Variants in TMEM163 observed in about 807,000 individuals in gnomAD.
TMEM163 encodes transmembrane protein 163.
A neutral mutation model predicts 29.3 loss-of-function variants in TMEM163; 17 were observed. The ratio of observed to expected loss-of-function variants is 0.58; its 90% confidence interval spans 0.40 to 0.87. TMEM163 has a LOEUF of 0.87. TMEM163 is among the 40% of genes least tolerant of loss of function. The pLI is 0.00. For missense variants in TMEM163, 303 were observed against 381.5 expected, an observed-to-expected ratio of 0.79 and a Z score of 1.71; for synonymous variants, 157 against 160.6, an observed-to-expected ratio of 0.98 and a Z score of 0.17.
intron 2 of TMEM163, among the ~76,000 whole-genome samples, chr2:134,622,364 T>A (rs1209649918): frequency 6.6e-6 from 1 of 152,086 alleles, no homozygotes; most frequent in East Asian, 1.9e-4. Flanking sequence ...CGGCAGGGGG[T>A]CAGTGGCTTC....
chr2:134,530,508 C>T (rs1309237388), intron 4 of TMEM163, among the ~76,000 whole-genome samples: 1 of 152,148 alleles, frequency 6.6e-6, no homozygotes, highest in Non-Finnish European at 1.5e-5. Context: ...AACTCCTAGG[C>T]TCAAGTGATA....
intron 2 of TMEM163, among the ~76,000 whole-genome samples, chr2:134,672,707 C>T (rs1684019875): frequency 6.6e-6 from 1 of 152,130 alleles, no homozygotes; most frequent in Non-Finnish European, 1.5e-5. Context: ...TCCCTCCCAA[C>T]CCACAATAAC....
chr2:134,643,454 T>G (rs1342284246), intron 2 of TMEM163, among the ~76,000 whole-genome samples: 2 of 152,038 alleles, frequency 1.3e-5, no homozygotes, highest in African/African-American at 4.8e-5. Flanking sequence ...CTGGAAAATA[T>G]AAGAAGAGGT....
intron 5 of TMEM163, among the ~76,000 whole-genome samples, chr2:134,487,557 A>G (rs1679341336): frequency 6.6e-6 from 1 of 152,248 alleles, no homozygotes; most frequent in South Asian, 2.1e-4. Context: ...CAGTTTTGAA[A>G]TTCGTATGGA....
intron 5 of TMEM163, among the ~76,000 whole-genome samples, chr2:134,481,952 A>AC (rs1451888013): frequency 2.0e-5 from 3 of 152,080 alleles, no homozygotes; most frequent in African/African-American, 7.2e-5. Flanking sequence ...GCAGGAATGA[A>AC]CCCCACCATC....
chr2:134,494,859 A>G (rs1274254575), intron 5 of TMEM163, among the ~76,000 whole-genome samples: 1 of 152,186 alleles, frequency 6.6e-6, no homozygotes, highest in Non-Finnish European at 1.5e-5. Context: ...ACTGGTGCCA[A>G]GAGAACCCTC....
At chr2:134,471,190 A>G (rs554641725) in intron 5 of TMEM163, among the ~76,000 whole-genome samples, 14 of 152,230 alleles carry the variant, frequency 9.2e-5, no homozygotes, top group Non-Finnish European at 1.9e-4. Flanking sequence ...ATGTTTAAAA[A>G]GACATCAGTC....
At chr2:134,538,546 G>A (rs982812347) in intron 4 of TMEM163, among the ~76,000 whole-genome samples, 5 of 152,136 alleles carry the variant, frequency 3.3e-5, no homozygotes, top group Non-Finnish European at 5.9e-5. Flanking sequence ...GCCTCAAGGC[G>A]GAAACAACAC....
rs138077955 is a variant in TMEM163 at position 134,610,635 on chromosome 2, G to A, written c.323-58544C>T. On this transcript the variant is annotated intron_variant, in intron 2 of 7. Transcript: ENST00000281924. ...AGAACCGACCTCCAGGAATGCACAC[G>A]GGATTCGAGTCTCAGCCTGGTAGCA... Among the ~76,000 whole-genome samples, 587 of 152,292 alleles carry A rather than the reference G, an allele frequency of 3.9e-3. 7 individuals are homozygous for A. Among genetic ancestry groups the A allele is most frequent in the African/African-American group, 0.013 (551 of 41,560 alleles).
At chr2:134,541,772 GCACACACACACA>G (rs57326163) in intron 4 of TMEM163, among the ~76,000 whole-genome samples, 32 of 150,096 alleles carry the variant, frequency 2.1e-4, no homozygotes, top group African/African-American at 5.4e-4. Context: ...GTACACACGT[GCACACACACACA>G]CACACACACA....
In TMEM163 at chr2:134,458,059, C is replaced by T; in HGVS notation, c.782G>A (p.Gly261Asp). ...GACCCCATAGGCAAATATGGTGAGGCCGATCAGAACGCCTATGCTGCCGTC... is the reference window on the plus strand; with the variant it reads ...GACCCCATAGGCAAATATGGTGAGGTCGATCAGAACGCCTATGCTGCCGTC... The part of the protein sequence containing the change: ...YLDGSIGVLI[G>D]LTIFAYGVKL... Residue 261 changes from glycine (G) to aspartate (D), a missense_variant, in exon 7 of 8, where the codon GGC becomes GAC. Physicochemically the swap from Gly to Asp is moderately conservative, Grantham distance 94 (BLOSUM62 -1). Around this residue, in one of 2 missense-constraint regions of TMEM163, gnomAD observed 203 missense variants for 294.3 expected, o/e 0.69. Coordinates refer to ENST00000281924, the MANE Select transcript of TMEM163 (RefSeq NM_030923.5). 1.2e-6 allele frequency: 2 copies of T among 1,614,124 alleles called. No individual in the cohort carries two copies. Among genetic ancestry groups the T allele is most frequent in the Non-Finnish European group, 1.7e-6 (2 of 1,180,022 alleles).
intron 2 of TMEM163, among the ~76,000 whole-genome samples, chr2:134,633,643 G>A (rs1574296308): frequency 3.3e-5 from 5 of 152,086 alleles, no homozygotes; most frequent in Admixed American, 2.6e-4. Flanking sequence ...TAGAAGAAAA[G>A]AGTGAATAAG....
chr2:134,625,242 A>C (rs1481837449), intron 2 of TMEM163, among the ~76,000 whole-genome samples: 3 of 152,216 alleles, frequency 2.0e-5, no homozygotes, highest in Non-Finnish European at 4.4e-5. Context: ...ATGCCTCTCA[A>C]AAAAAAGAAA....
intron 2 of TMEM163, among the ~76,000 whole-genome samples, chr2:134,680,708 G>A (rs1684211500): frequency 6.6e-6 from 1 of 152,156 alleles, no homozygotes; most frequent in African/African-American, 2.4e-5. Context: ...CCCCATCCCT[G>A]CTCAGAGTCT....
At chr2:134,683,636 G>A (rs1684294001) in intron 2 of TMEM163, among the ~76,000 whole-genome samples, 3 of 152,262 alleles carry the variant, frequency 2.0e-5, no homozygotes, top group African/African-American at 7.2e-5. Context: ...GCTGATTACT[G>A]GGCATGCTGA....
intron 5 of TMEM163, among the ~76,000 whole-genome samples, chr2:134,490,015 T>C (rs1679396174): frequency 6.6e-6 from 1 of 152,196 alleles, no homozygotes; most frequent in Non-Finnish European, 1.5e-5. Flanking sequence ...CAGCAAACAT[T>C]TATTGAGTTC....
intron 2 of TMEM163, among the ~76,000 whole-genome samples, chr2:134,558,743 G>A (rs1681101506): frequency 6.6e-6 from 1 of 152,140 alleles, no homozygotes; most frequent in African/African-American, 2.4e-5. Context: ...AGGATTTGCA[G>A]CAAAAATGAG....
intron 4 of TMEM163, among the ~76,000 whole-genome samples, chr2:134,515,957 C>CA (rs1434334851): frequency 6.6e-6 from 1 of 152,186 alleles, no homozygotes; most frequent in Non-Finnish European, 1.5e-5. Flanking sequence ...TGGTCTCTAT[C>CA]AAGTCTCAGA....
chr2:134,542,080 T>C (rs1302265736), intron 4 of TMEM163, among the ~76,000 whole-genome samples: 3 of 152,216 alleles, frequency 2.0e-5, no homozygotes, highest in African/African-American at 7.2e-5. Context: ...TATGCTGAAG[T>C]GTATGTCTGG....
Sources: allele counts gnomAD v4.1 joint callset (sites outside exome capture counted in the v4.1 genomes callset), GRCh38; gene constraint gnomAD v4.1.1; regional missense constraint gnomAD v4.1.1; transcripts MANE v1.5; gene names NCBI Gene and HGNC (gene_info 2026-07-23, HGNC 2026-07-21).